SPATA6L: variants seen among roughly 807,000 people sequenced by gnomAD.
SPATA6L encodes the protein spermatogenesis associated 6 like.
In SPATA6L, 68 loss-of-function variants were observed where a neutral mutation model predicts 49.2. The ratio of observed to expected loss-of-function variants is 1.38; its 90% CI spans 1.14 to 1.69. The LOEUF (loss-of-function observed/expected upper bound fraction) is 1.69, where lower values mean the gene tolerates loss of function less well. Ranked by LOEUF, SPATA6L falls within the 40% of genes most tolerant of loss-of-function variation. The pLI is 0.00. For missense variants in SPATA6L, 668 were observed against 464.3 expected (o/e 1.44, Z -4.03); for synonymous variants, 198 against 165.7 (o/e 1.19, Z -1.50).
chr9:4,636,280 T>A (rs1390276623), intron 3 of SPATA6L, among the ~76,000 whole-genome samples: 1 of 152,214 alleles, frequency 6.6e-6, no homozygotes, highest in Non-Finnish European at 1.5e-5. Flanking sequence ...CATATTAACA[T>A]ATACATTTTA....
intron 1 of SPATA6L, chr9:4,665,153 T>G: frequency 6.0e-6 from 1 of 167,246 alleles, no homozygotes. Context: ...ACCTGATGTT[T>G]TTGAAGCATC....
intron 3 of SPATA6L, among the ~76,000 whole-genome samples, chr9:4,653,906 C>T (rs1046339832): frequency 3.3e-5 from 5 of 152,188 alleles, no homozygotes; most frequent in African/African-American, 1.2e-4. Context: ...CACTGCACTC[C>T]AGGCTAGGTG....
downstream of SPATA6L, among the ~76,000 whole-genome samples, chr9:4,598,115 TC>T (rs1388606524): frequency 3.9e-5 from 6 of 152,194 alleles, no homozygotes; most frequent in African/African-American, 1.4e-4. Flanking sequence ...TTTGGGTCAG[TC>T]AGGTGACCAC....
intron 2 of SPATA6L, among the ~76,000 whole-genome samples, chr9:4,660,896 C>G (rs1047768139): frequency 3.9e-5 from 6 of 152,152 alleles, no homozygotes; most frequent in Non-Finnish European, 8.8e-5. Context: ...ATGGATGAAG[C>G]TGGAAACCAT....
At chr9:4,650,480 T>C (rs1219333559) in intron 3 of SPATA6L, among the ~76,000 whole-genome samples, 1 of 151,902 alleles carries the variant, frequency 6.6e-6, no homozygotes, top group Non-Finnish European at 1.5e-5. Context: ...CAGAAAGTAA[T>C]GAAATAGAAA....
At chr9:4,600,946 T>G (rs867935825) in intron 11 of SPATA6L, 137 bp from the exon 12 acceptor site, 4 of 152,260 alleles carry the variant, frequency 2.6e-5, no homozygotes, top group African/African-American at 7.2e-5. Context: ...ACTTAGTCTC[T>G]GAGCTTTTTC....
At chr9:4,660,447 G>C (rs1477866319) in intron 2 of SPATA6L, among the ~76,000 whole-genome samples, 2 of 152,168 alleles carry the variant, frequency 1.3e-5, no homozygotes, top group Admixed American at 1.3e-4. Context: ...ATCATCACTG[G>C]TCATCAGAGA....
intron 13 of SPATA6L, among the ~76,000 whole-genome samples, chr9:4,591,668 T>G (rs921416305): frequency 3.4e-4 from 52 of 152,300 alleles, no homozygotes; most frequent in Middle Eastern, 3.4e-3. Context: ...CAACTTCACA[T>G]GAATCACAAA....
chr9:4,615,803 T>C (rs1333734864), intron 9 of SPATA6L, among the ~76,000 whole-genome samples: 2 of 152,280 alleles, frequency 1.3e-5, no homozygotes, highest in East Asian at 3.9e-4. Context: ...GCATGCTCAA[T>C]ACAGTCTCTC....
chr9:4,607,019 C>T (rs1443496173), intron 9 of SPATA6L, among the ~76,000 whole-genome samples: 2 of 148,584 alleles, frequency 1.3e-5, no homozygotes, highest in Admixed American at 1.3e-4. Flanking sequence ...GGAGCCGATG[C>T]AATCAACTGG....
chr9:4,629,164 A>G lies in SPATA6L; in HGVS notation c.356T>C (p.Ile119Thr), dbSNP rs535184747. The change falls in exon 5 of 12, where the codon ATT becomes ACT. Residue 119 changes from isoleucine (I) to threonine (T), a missense_variant. Physicochemically the swap from Ile to Thr is moderately conservative, Grantham distance 89 (BLOSUM62 -1). Coordinates refer to ENST00000682582, the MANE Select transcript of SPATA6L (RefSeq NM_001353486.2). ...TGTAGAAAACTCTATTTTGGGAGCA[A>G]TGCCCTATAAAACAGCATAAAAAAA... ...LMKTALGFPG[I>T]APKIEFSTRT... is the part of the protein sequence containing the mutation. 13 of 1,587,710 alleles carry G rather than the reference A, an allele frequency of 8.2e-6. No individual in the cohort carries two copies. The highest frequency in any genetic ancestry group is 1.6e-5 in the African/African-American group (1 of 63,026).
intron 7 of SPATA6L, 66 bp downstream of exon 7, chr9:4,622,342 A>G: frequency 1.1e-6 from 1 of 926,990 alleles, no homozygotes; most frequent in South Asian, 1.4e-5. Context: ...TCAGAATGAA[A>G]GAGTATACTC....
chr9:4,602,219 A>G (rs1823498798), intron 11 of SPATA6L, among the ~76,000 whole-genome samples: 2 of 151,930 alleles, frequency 1.3e-5, no homozygotes, highest in African/African-American at 4.8e-5. Context: ...GGCTCTATGT[A>G]ACTTGATATT....
Position 4,592,314 on chromosome 9 carries a change from CAA to C in SPATA6L, c.*255-3355_*255-3354del, listed in dbSNP as rs35362659. Among the ~76,000 whole-genome samples the C allele has an allele frequency of 2.5e-3, 288 of 114,114 alleles. 1 individual carries two copies. Among genetic ancestry groups the C allele is most frequent in the Middle Eastern group, 0.016 (4 of 250 alleles). The allele number at this position is 114,114 out of a possible 152,430, so 74.9% of individuals were successfully genotyped here. ...TGGGTGACAGAGGGAGACTCCATCTCAAAAAAAAAAAAAAAAAAATCACAGAG... is the reference window on the plus strand; with the variant it reads ...TGGGTGACAGAGGGAGACTCCATCTCAAAAAAAAAAAAAAAAATCACAGAG... On this transcript the variant is annotated intron_variant and NMD_transcript_variant, in intron 13 of 13. Transcript: ENST00000461761.
intron 11 of SPATA6L, among the ~76,000 whole-genome samples, chr9:4,603,727 A>C (rs1823955139): frequency 2.0e-5 from 3 of 152,246 alleles, no homozygotes; most frequent in Admixed American, 6.5e-5. Context: ...GTCATAATTT[A>C]TGAAGGAAAA....
intron 2 of SPATA6L, among the ~76,000 whole-genome samples, chr9:4,660,126 A>G (rs1427936318): frequency 6.6e-6 from 1 of 152,246 alleles, no homozygotes; most frequent in Non-Finnish European, 1.5e-5. Context: ...ATGGGCAAGG[A>G]CTTCATGACT....
At chr9:4,612,156 G>A (rs1331033385) in intron 9 of SPATA6L, among the ~76,000 whole-genome samples, 1 of 151,752 alleles carries the variant, frequency 6.6e-6, no homozygotes, top group Admixed American at 6.6e-5. Context: ...CAAATATTTT[G>A]TAGAGACAGG....
At chr9:4,646,570 C>T in intron 3 of SPATA6L, 2 of 1,290,816 alleles carry the variant, frequency 1.5e-6, no homozygotes, top group Non-Finnish European at 1.0e-6. Context: ...CCAAAAATTG[C>T]CACAGTCTTT....
At chr9:4,641,302 C>A (rs575215661) in intron 3 of SPATA6L, among the ~76,000 whole-genome samples, 36 of 152,040 alleles carry the variant, frequency 2.4e-4, no homozygotes, top group Admixed American at 2.0e-3. Flanking sequence ...TTTCAGGAAC[C>A]CTTGCAGATA....
Sources: gnomAD v4.1 joint callset for allele counts (sites outside exome capture counted in the v4.1 genomes callset) on GRCh38, gnomAD v4.1.1 for gene constraint, MANE v1.5 for transcripts, NCBI Gene and HGNC (gene_info 2026-07-23, HGNC 2026-07-21) for gene names.